PRKDC: variants seen among roughly 807,000 people sequenced by gnomAD.
The protein encoded by PRKDC is protein kinase, DNA-activated, catalytic subunit.
PRKDC carries 82 observed loss-of-function variants against 486.9 expected under a neutral mutation model. That is an observed-to-expected ratio of 0.17 (90% CI 0.14 to 0.20). The LOEUF is 0.20. Ranked by LOEUF, PRKDC falls within the 10% of genes least tolerant of loss-of-function variation. The pLI is 1.00. For missense variants in PRKDC, 4,504 were observed against 5,038.2 expected, an observed-to-expected ratio of 0.89 and a Z score of 3.21; for synonymous variants, 1,895 against 1,837.0, an observed-to-expected ratio of 1.03 and a Z score of -0.81.
intron 1 of PRKDC, among the ~76,000 whole-genome samples, chr8:47,958,092 A>G (rs2090739128): frequency 6.6e-6 from 1 of 152,222 alleles, no homozygotes; most frequent in Non-Finnish European, 1.5e-5. Context: ...AGAGAGCCCA[A>G]TGTAATCACA....
chr8:47,895,374 GC>G (rs1388255864), intron 30 of PRKDC, among the ~76,000 whole-genome samples: 2 of 152,202 alleles, frequency 1.3e-5, no homozygotes, highest in Non-Finnish European at 2.9e-5. Context: ...CTACCTAGCA[GC>G]CTTTGTCCAA....
chr8:47,858,688 A>G lies in PRKDC; in HGVS notation c.6346-53T>C. On this transcript the variant is annotated intron_variant, in intron 47 of 85. Coordinates refer to ENST00000314191, the MANE Select transcript of PRKDC (RefSeq NM_006904.7). ...AAAACGTGGAATAAAATAATGATAC[A>G]TTTTGATATTATGGGAAAACAAGGA... 4.2e-6 allele frequency: 6 copies of G among 1,445,736 alleles called. No individual in the cohort carries two copies. In the South Asian group the frequency reaches 8.7e-5, roughly 21 times the overall value. 89.6% of individuals were successfully genotyped at this position (1,445,736 alleles called of 1,614,324 possible).
Position 47,859,629 on chromosome 8 carries a change from A to T in PRKDC, c.6189T>A (p.Thr2063=), listed in dbSNP as rs558642122. Residue 2063 remains threonine, a synonymous_variant, in exon 46 of 86, where the codon ACT becomes ACA. Coordinates refer to ENST00000314191, the MANE Select transcript of PRKDC (RefSeq NM_006904.7). ...SYSSQDPRPA[T]GRFRRREQRD... The stretch of plus-strand genomic sequence containing the variant: ...TGATCACCCGTCTCCGAAAACGACC[A>T]GTGGCAGGTCTAGGGTCTTGGGAGC... 1 of 1,610,330 alleles carries T rather than the reference A, an allele frequency of 6.2e-7. No individual in the cohort carries two copies. The highest frequency in any genetic ancestry group is 1.1e-5 in the South Asian group (1 of 89,858).
In PRKDC at chr8:47,827,989, TG is replaced by T. The variant is rs8178197; in HGVS notation, c.8577+178del. ...TTATTCTGTCACATATCGGTTTTTC[TG>T]GGGGGAAAAAATAAATTACATCTAC... On this transcript the variant is annotated intron_variant, in intron 62 of 85. Transcript: ENST00000314191. 0.025 allele frequency among the ~76,000 whole-genome samples: 3,848 copies of T among 152,304 alleles called. 69 individuals are homozygous for T. The highest frequency in any genetic ancestry group is 0.038 in the Non-Finnish European group (2,600 of 68,018).
intron 25 of PRKDC, among the ~76,000 whole-genome samples, chr8:47,911,154 C>T (rs757773980): frequency 1.3e-5 from 2 of 152,162 alleles, no homozygotes; most frequent in Non-Finnish European, 2.9e-5. Flanking sequence ...CTTACTGGCC[C>T]GCTGACAAGT....
chr8:47,828,975 A>G (rs903693411), intron 61 of PRKDC, among the ~76,000 whole-genome samples: 2 of 152,226 alleles, frequency 1.3e-5, no homozygotes, highest in African/African-American at 2.4e-5. Flanking sequence ...TGGCCACAGT[A>G]TACTCCCTTT....
Position 47,788,973 on chromosome 8 carries a change from C to T in PRKDC, c.10835G>A (p.Arg3612Lys). 1.2e-6 allele frequency: 2 copies of T among 1,613,524 alleles called. No homozygotes were observed. The highest frequency in any genetic ancestry group is 1.7e-6 in the Non-Finnish European group (2 of 1,179,736). The change falls in exon 76 of 86, where the codon AGA becomes AAA. Residue 3612 changes from arginine to lysine, a missense_variant. By Grantham distance (26) the Arg-to-Lys change is conservative (BLOSUM62 2). Around this residue, in one of 6 missense-constraint regions of PRKDC, gnomAD observed 706 missense variants for 945.0 expected, o/e 0.75. Transcript: ENST00000314191. Reference protein sequence around the residue: ...NKKNIEKMYERMYAALGDPKA... With the variant: ...NKKNIEKMYEKMYAALGDPKA... The stretch of plus-strand genomic sequence containing the variant: ...TGGGTCACCCAAGGCTGCATACATT[C>T]TTTCATACATTTTTTCAATGTTTTT...
chr8:47,907,281 C>A (rs1372092603), intron 25 of PRKDC, among the ~76,000 whole-genome samples: 1 of 148,844 alleles, frequency 6.7e-6, no homozygotes, highest in Non-Finnish European at 1.5e-5. Context: ...ACCTTGTGAT[C>A]CACCCACCTC....
Position 47,888,618 on chromosome 8 carries a change from C to T in PRKDC, c.4313G>A (p.Gly1438Asp), listed in dbSNP as rs1313460383. 1 of 1,594,144 alleles carries T rather than the reference C, an allele frequency of 6.3e-7. No homozygotes were observed. Among genetic ancestry groups the T allele is most frequent in the African/African-American group, 1.3e-5 (1 of 74,596 alleles). ...IEELCAVNLY[G>D]PDAQVDRSRL... ...GCTCCTGTCCACTTGCGCGTCAGGGCCATACAAGTTGACGGCACAAAGCTC... is the reference window on the plus strand; with the variant it reads ...GCTCCTGTCCACTTGCGCGTCAGGGTCATACAAGTTGACGGCACAAAGCTC... The change falls in exon 34 of 86, where the codon GGC becomes GAC. Residue 1438 changes from glycine to aspartate, a missense_variant. By Grantham distance (94) the Gly-to-Asp change is moderately conservative. Coordinates refer to ENST00000314191, the MANE Select transcript of PRKDC (RefSeq NM_006904.7).
intron 15 of PRKDC, 72 bp downstream of exon 15, chr8:47,933,893 G>C (rs543144585): frequency 7.1e-7 from 1 of 1,414,166 alleles, no homozygotes; most frequent in Non-Finnish European, 9.5e-7. Flanking sequence ...TCTGAAATAA[G>C]TCTTATGTCT....
intron 68 of PRKDC, among the ~76,000 whole-genome samples, chr8:47,815,953 T>C (rs1320103343): frequency 1.3e-5 from 2 of 152,224 alleles, no homozygotes; most frequent in Non-Finnish European, 2.9e-5. Context: ...GTAATGCCTG[T>C]AATCCCATTA....
At chr8:47,775,871 G>A (rs2086600230) in intron 85 of PRKDC, among the ~76,000 whole-genome samples, 2 of 148,134 alleles carry the variant, frequency 1.4e-5, no homozygotes, top group African/African-American at 5.0e-5. Context: ...CGCCTAGGCT[G>A]GAGTACAGTG....
At chr8:47,832,171 T>C (rs1221841877) in intron 59 of PRKDC, among the ~76,000 whole-genome samples, 1 of 152,230 alleles carries the variant, frequency 6.6e-6, no homozygotes, top group Non-Finnish European at 1.5e-5. Flanking sequence ...AGCCACCTTC[T>C]GAACCCCCGC....
At chr8:47,842,266 C>T (rs1407409141) in intron 54 of PRKDC, among the ~76,000 whole-genome samples, 1 of 152,168 alleles carries the variant, frequency 6.6e-6, no homozygotes, top group Non-Finnish European at 1.5e-5. Flanking sequence ...TCTCCCTTCC[C>T]CTACCCCCAG....
chr8:47,914,471 A>G (rs2089957020), intron 23 of PRKDC, among the ~76,000 whole-genome samples: 1 of 152,222 alleles, frequency 6.6e-6, no homozygotes, highest in Non-Finnish European at 1.5e-5. Flanking sequence ...AAGTAAAAAT[A>G]CAGAGGAATT....
chr8:47,955,929 TA>T lies in PRKDC; in HGVS notation c.343del (p.Tyr115IlefsTer48). 6.2e-7 allele frequency: 1 copy of T among 1,603,728 alleles called. No individual in the cohort carries two copies. The highest frequency in any genetic ancestry group is 8.5e-7 in the Non-Finnish European group (1 of 1,172,830). ...ACATTTAGCAGCTCTATCTTTTGTATAAACACTGGTACAAGTGTTCTAGGTT... is the reference window on the plus strand; with the variant it reads ...ACATTTAGCAGCTCTATCTTTTGTATAACACTGGTACAAGTGTTCTAGGTT... ...VEIKNTCTSV[Y>X]TKDRAAKCKI... On this transcript the variant is annotated frameshift_variant, in exon 4 of 86. Coordinates refer to ENST00000314191, the MANE Select transcript of PRKDC (RefSeq NM_006904.7). LOFTEE classifies it high-confidence loss of function.
In PRKDC at chr8:47,867,658, C is replaced by CA. The variant is rs574245235; in HGVS notation, c.5364-2896dup. On this transcript the variant is annotated intron_variant, in intron 40 of 85. Coordinates refer to ENST00000314191, the MANE Select transcript of PRKDC (RefSeq NM_006904.7). Reference sequence around the variant, plus strand: ...GGAAACATTAGAAAGGAAAAGAGAACAAGATGCACAGCGTAAAGGAATAAG... The same window carrying CA: ...GGAAACATTAGAAAGGAAAAGAGAACAAAGATGCACAGCGTAAAGGAATAAG... 1.4e-4 allele frequency among the ~76,000 whole-genome samples: 21 copies of CA among 151,986 alleles called. No individual in the cohort carries two copies. In the East Asian group the frequency reaches 3.9e-3, roughly 28 times the overall value.
At chr8:47,864,886 C>CTA in intron 40 of PRKDC, 123 bp from the exon 41 acceptor site, 7 of 862,010 alleles carry the variant, frequency 8.1e-6, no homozygotes, top group Non-Finnish European at 1.2e-5. Context: ...ACTTTAAGGA[C>CTA]TATATATATG....
At chr8:47,841,639 C>T (rs1390780504) in intron 54 of PRKDC, among the ~76,000 whole-genome samples, 3 of 152,226 alleles carry the variant, frequency 2.0e-5, no homozygotes, top group African/African-American at 7.2e-5. Context: ...GTGGCCAGAA[C>T]TTAAGCTCTG....
Sources: gnomAD v4.1 joint callset for allele counts (sites outside exome capture counted in the v4.1 genomes callset) on GRCh38, gnomAD v4.1.1 for gene constraint, gnomAD v4.1.1 regional missense constraint, MANE v1.5 for transcripts, NCBI Gene and HGNC (gene_info 2026-07-23, HGNC 2026-07-21) for gene names.